ODF2: variants seen among roughly 807,000 people sequenced by gnomAD.
The protein encoded by ODF2 is outer dense fiber of sperm tails 2, also known as outer dense fiber protein 2.
In ODF2, 47 loss-of-function variants were observed where a neutral mutation model predicts 110.2. That is an observed-to-expected ratio of 0.43 (90% CI 0.34 to 0.54). The LOEUF (loss-of-function observed/expected upper bound fraction) is 0.54, where lower values mean the gene tolerates loss of function less well. Among genes scored for constraint, ODF2 ranks in the 20% least tolerant of loss-of-function variants. The probability of loss-of-function intolerance (pLI) is 0.03; values close to 1 mark genes in which losing one functional copy is unlikely to be tolerated. For missense variants in ODF2, 812 were observed against 1,054.5 expected (o/e 0.77, Z 3.19); for synonymous variants, 352 against 397.7 (o/e 0.89, Z 1.37).
chr9:128,486,735 G>A (rs778453347), intron 13 of ODF2, among the ~76,000 whole-genome samples: 3 of 152,164 alleles, frequency 2.0e-5, no homozygotes, highest in Non-Finnish European at 4.4e-5. Flanking sequence ...TTCTATTTGT[G>A]CCTTTTTCCC....
At chr9:128,461,206 T>G in intron 4 of ODF2, 139 bp downstream of exon 4, 1 of 1,037,530 alleles carries the variant, frequency 9.6e-7, no homozygotes, top group South Asian at 1.6e-5. Context: ...TGCTAAACCC[T>G]GAAACTATGT....
chr9:128,456,679 A>C (rs2131385466), intron 1 of ODF2: 5 of 1,420,660 alleles, frequency 3.5e-6, no homozygotes, highest in East Asian at 2.9e-5. Context: ...GGGCCTCCAC[A>C]TGGCAGTCAC....
chr9:128,494,622 G>A lies in ODF2; in HGVS notation c.1865G>A (p.Arg622Gln), dbSNP rs1185894007. The A allele has an allele frequency of 6.2e-6, 10 of 1,614,172 alleles. No individual in the cohort carries two copies. The highest frequency in any genetic ancestry group is 2.2e-5 in the East Asian group (1 of 44,880). The change falls in exon 17 of 21, where the codon CGG becomes CAG. Residue 622 changes from arginine (R) to glutamine (Q), a missense_variant. Physicochemically the swap from Arg to Gln is conservative, Grantham distance 43. Around this residue, in one of 5 missense-constraint regions of ODF2, gnomAD observed 165 missense variants for 293.4 expected, o/e 0.56. Transcript: ENST00000604420. This position sits in a 1 kb window ranked among gnomAD's most constrained non-coding sequence, Gnocchi z 4.6. ...CAAGACCAACTGCAGGGCTATGAGC[G>A]GAAGAACATCGACCTCACAGCCATC...
At chr9:128,466,282 GT>G (rs1159480516) in intron 4 of ODF2, among the ~76,000 whole-genome samples, 5 of 152,004 alleles carry the variant, frequency 3.3e-5, no homozygotes, top group African/African-American at 9.6e-5. Flanking sequence ...CTTGGACAAT[GT>G]GACGAAACCG....
chr9:128,484,581 C>T (rs1172065687), intron 11 of ODF2, 120 bp from the exon 12 acceptor site: 10 of 1,100,648 alleles, frequency 9.1e-6, no homozygotes, highest in African/African-American at 7.9e-5. Flanking sequence ...TTTTTTCTGT[C>T]TTCCTCGTTT....
At chr9:128,493,353 C>G (rs1038954832) in intron 16 of ODF2, among the ~76,000 whole-genome samples, 1 of 152,214 alleles carries the variant, frequency 6.6e-6, no homozygotes, top group African/African-American at 2.4e-5. Context: ...CCACTACGCT[C>G]TAGCCTGGGC....
At chr9:128,482,539 GGGT>G (rs1257495942) in intron 9 of ODF2, among the ~76,000 whole-genome samples, 2 of 152,136 alleles carry the variant, frequency 1.3e-5, no homozygotes, top group Admixed American at 6.5e-5. Context: ...TCTGCATGGG[GGGT>G]TACGGGGTTT....
rs146802585 is a variant in ODF2, at chr9:128,483,580, CAAAA to C, written c.988-344_988-341del. Among the ~76,000 whole-genome samples, 16 of 107,276 alleles carry C rather than the reference CAAAA, an allele frequency of 1.5e-4. No individual in the cohort carries two copies. In the South Asian group the frequency reaches 2.1e-3, roughly 14 times the overall value. 70.4% of individuals were successfully genotyped at this position (107,276 alleles called of 152,430 possible). A position where few individuals can be genotyped will look rare whatever the true frequency, so the allele number is the denominator to read the frequency against. ...CCTTGGCAACAGTGATACCCTGTCTCAAAAAAAAAAAAAAAAATTATTGACCATG... is the reference window on the plus strand; with the variant it reads ...CCTTGGCAACAGTGATACCCTGTCTCAAAAAAAAAAAAATTATTGACCATG... On this transcript the variant is annotated intron_variant, in intron 10 of 20. Transcript: ENST00000604420.
chr9:128,498,618 C>A (rs753316293), intron 19 of ODF2, 43 bp downstream of exon 19: 5 of 1,109,778 alleles, frequency 4.5e-6, no homozygotes, highest in Non-Finnish European at 6.6e-6. Flanking sequence ...TGACCTTGGG[C>A]AAATCACCTA....
chr9:128,474,102 C>A (rs1478713228), intron 8 of ODF2, among the ~76,000 whole-genome samples: 1 of 152,084 alleles, frequency 6.6e-6, no homozygotes, highest in Non-Finnish European at 1.5e-5. Flanking sequence ...ATTTTGTTTT[C>A]TTAAAATATG....
At chr9:128,475,676 T>G (rs1841112584) in intron 8 of ODF2, among the ~76,000 whole-genome samples, 3 of 152,056 alleles carry the variant, frequency 2.0e-5, no homozygotes, top group Non-Finnish European at 4.4e-5. Flanking sequence ...GATGGAGTCT[T>G]GCTCTGTCGC....
chr9:128,500,459 C>T, exon 21 of ODF2: 4 of 565,432 alleles, frequency 7.1e-6, no homozygotes, highest in Non-Finnish European at 6.3e-6. Flanking sequence ...CTGATATAGT[C>T]ACCTGTTGGA....
At chr9:128,463,536 G>A (rs1837051443) in intron 4 of ODF2, among the ~76,000 whole-genome samples, 1 of 152,112 alleles carries the variant, frequency 6.6e-6, no homozygotes, top group Non-Finnish European at 1.5e-5. Context: ...ATTTCAGTAA[G>A]CTGTGATTAT....
intron 20 of ODF2, among the ~76,000 whole-genome samples, chr9:128,499,359 C>G (rs1846187096): frequency 1.3e-5 from 2 of 152,196 alleles, no homozygotes; most frequent in African/African-American, 4.8e-5. Flanking sequence ...GATCTCAGCT[C>G]ACTGCAACCT....
chr9:128,500,324 A>C, exon 21 of ODF2: 7 of 1,516,632 alleles, frequency 4.6e-6, no homozygotes, highest in Non-Finnish European at 6.3e-6. Context: ...GCCATAGCTG[A>C]GAAGCCTGGT....
rs1162861721 is a variant in ODF2 at position 128,481,472 on chromosome 9, A to T, written c.844-108A>T. ...AGCCTGGGCAACAGAGTAAGACTCT[A>T]AAAAAAAAAAAAAATACAATTTTTG... On this transcript the variant is annotated intron_variant, in intron 8 of 20. Transcript: ENST00000604420. 10 of 199,432 alleles carry T rather than the reference A, an allele frequency of 5.0e-5. No individual in the cohort carries two copies. In the East Asian group the frequency reaches 1.1e-3, roughly 22 times the overall value. 12.4% of individuals were successfully genotyped at this position (199,432 alleles called of 1,614,324 possible).
exon 21 of ODF2, chr9:128,500,087 C>T (rs763681988): frequency 8.1e-6 from 13 of 1,614,158 alleles, no homozygotes; most frequent in Admixed American, 1.7e-5. Flanking sequence ...GCTACCAGAG[C>T]CGGCTGCAAG....
At chr9:128,496,170 C>T in intron 18 of ODF2, 29 bp downstream of exon 18, 1 of 1,612,930 alleles carries the variant, frequency 6.2e-7, no homozygotes, top group South Asian at 1.1e-5. Flanking sequence ...CATCTCTGTC[C>T]TCTTCCTAGG....
intron 14 of ODF2, 128 bp downstream of exon 14, chr9:128,488,153 C>T: frequency 1.8e-6 from 2 of 1,129,500 alleles, no homozygotes; most frequent in Non-Finnish European, 1.3e-6. Context: ...TTTGACCAGG[C>T]ATGGTGGCTT....
Sources: allele counts gnomAD v4.1 joint callset (sites outside exome capture counted in the v4.1 genomes callset), GRCh38; gene constraint gnomAD v4.1.1; regional missense constraint gnomAD v4.1.1; non-coding constraint Gnocchi (gnomAD v3.1); transcripts MANE v1.5; gene names NCBI Gene and HGNC (gene_info 2026-07-23, HGNC 2026-07-21).